SERINC1: variants seen among roughly 807,000 people sequenced by gnomAD.
SERINC1 encodes serine incorporator 1, also known as tumor differentially expressed protein 2.
Under a neutral mutation model 52.9 loss-of-function variants are expected in SERINC1, and 38 were observed. The ratio of observed to expected loss-of-function variants is 0.72; its 90% CI spans 0.55 to 0.94. The LOEUF is 0.94. SERINC1 is among the 40% of genes least tolerant of loss of function. The probability of loss-of-function intolerance (pLI) is 0.00; values close to 1 mark genes in which losing one functional copy is unlikely to be tolerated. For synonymous variants in SERINC1, 198 were observed against 183.1 expected, an observed-to-expected ratio of 1.08 and a Z score of -0.66; for missense variants, 471 against 533.9, an observed-to-expected ratio of 0.88 and a Z score of 1.16.
chr6:122,460,345 G>A (rs1330656804), intron 1 of SERINC1, among the ~76,000 whole-genome samples: 1 of 152,168 alleles, frequency 6.6e-6, no homozygotes, highest in African/African-American at 2.4e-5. Flanking sequence ...AAAGTGCTGG[G>A]ATTACAGGTG....
In SERINC1 at chr6:122,458,798, A is replaced by G. The variant is rs905065330; in HGVS notation, c.40-117T>C. 4 of 727,228 alleles carry G rather than the reference A, an allele frequency of 5.5e-6. No individual in the cohort carries two copies. The African/African-American group carries it at 7.2e-5, about 13-fold the overall frequency. The allele number at this position is 727,228 out of a possible 1,614,324, so 45.0% of individuals were successfully genotyped here. ...TAAAAAAGAAAAAAGACTAAAAGTA[A>G]TTACATCAAGGGACATACGGTATTT... On this transcript the variant is annotated intron_variant, in intron 1 of 9. Transcript: ENST00000339697.
At chr6:122,465,973 C>T (rs141419426) in intron 1 of SERINC1, among the ~76,000 whole-genome samples, 21 of 152,210 alleles carry the variant, frequency 1.4e-4, no homozygotes, top group Admixed American at 6.5e-4. Flanking sequence ...CGGTGGCTCA[C>T]ACCTGTAATC....
chr6:122,447,359 A>T (rs1174444531), intron 7 of SERINC1, 94 bp from the exon 8 acceptor site: 1 of 881,014 alleles, frequency 1.1e-6, no homozygotes, highest in Non-Finnish European at 1.7e-6. Flanking sequence ...ATACCCCTGC[A>T]AATTGAGAAA....
intron 7 of SERINC1, among the ~76,000 whole-genome samples, chr6:122,447,732 A>G (rs1774831878): frequency 6.6e-6 from 1 of 152,184 alleles, no homozygotes; most frequent in Non-Finnish European, 1.5e-5. Flanking sequence ...TTACACAAAA[A>G]CCAGTTATAA....
At chr6:122,457,255 T>C (rs143092479) in intron 2 of SERINC1, among the ~76,000 whole-genome samples, 1 of 152,316 alleles carries the variant, frequency 6.6e-6, no homozygotes, top group Non-Finnish European at 1.5e-5. Flanking sequence ...CCCAGTTTTC[T>C]AGGATCAGAA....
chr6:122,461,177 C>T (rs1447287385), intron 1 of SERINC1, among the ~76,000 whole-genome samples: 1 of 151,816 alleles, frequency 6.6e-6, no homozygotes, highest in Admixed American at 6.6e-5. Flanking sequence ...TTTATGAAAA[C>T]GATAAACTCA....
In SERINC1 at chr6:122,456,038, AC is replaced by A. The variant is rs571611822; in HGVS notation, c.371+442del. ...GATATTAAAACAGTCAAATAAGGGTACCAGAAGTAGTGCTCTATATGAAGGA... is the reference window on the plus strand; with the variant it reads ...GATATTAAAACAGTCAAATAAGGGTACAGAAGTAGTGCTCTATATGAAGGA... On this transcript the variant is annotated intron_variant, in intron 3 of 9. Transcript: ENST00000339697. 4.6e-3 allele frequency among the ~76,000 whole-genome samples: 707 copies of A among 152,280 alleles called. 6 individuals carry two copies. The highest frequency in any genetic ancestry group is 7.7e-3 in the Non-Finnish European group (523 of 68,030).
chr6:122,454,248 A>G lies in SERINC1; in HGVS notation c.372-18T>C, dbSNP rs751791561. On this transcript the variant is annotated intron_variant, in intron 3 of 9. Transcript: ENST00000339697. ...ACCAAAATCTAAAACAAAAAGAAAT[A>G]TAATTTTTTATTAATAGACATTCAT... 1.6e-5 allele frequency: 21 copies of G among 1,305,224 alleles called. No individual in the cohort carries two copies. Among genetic ancestry groups the G allele is most frequent in the Middle Eastern group, 4.3e-4 (2 of 4,606 alleles). The allele number at this position is 1,305,224 out of a possible 1,614,324, so 80.9% of individuals were successfully genotyped here. A position where few individuals can be genotyped will look rare whatever the true frequency, so the allele number is the denominator to read the frequency against.
chr6:122,452,670 T>C (rs1009009352), intron 5 of SERINC1, among the ~76,000 whole-genome samples: 3 of 152,220 alleles, frequency 2.0e-5, no homozygotes, highest in African/African-American at 7.2e-5. Flanking sequence ...TTTGCCTCGC[T>C]GACAGGGGAT....
chr6:122,447,975 G>A (rs908708761), intron 7 of SERINC1, among the ~76,000 whole-genome samples: 5 of 151,926 alleles, frequency 3.3e-5, no homozygotes, highest in Non-Finnish European at 7.4e-5. Flanking sequence ...TCAGCTGGGC[G>A]TGGTGGCATG....
At chr6:122,466,626 C>A (rs1325114891) in intron 1 of SERINC1, among the ~76,000 whole-genome samples, 2 of 152,018 alleles carry the variant, frequency 1.3e-5, no homozygotes, top group African/African-American at 4.8e-5. Flanking sequence ...GAGCACACTG[C>A]CCCTATAGCA....
chr6:122,459,061 G>A (rs1213553734), intron 1 of SERINC1, among the ~76,000 whole-genome samples: 2 of 152,094 alleles, frequency 1.3e-5, no homozygotes, highest in African/African-American at 4.8e-5. Flanking sequence ...ATACTAGACT[G>A]ATGAATACAA....
intron 5 of SERINC1, among the ~76,000 whole-genome samples, chr6:122,452,668 G>A (rs1028278111): frequency 2.6e-5 from 4 of 151,974 alleles, no homozygotes; most frequent in East Asian, 1.9e-4. Context: ...GATTTGCCTC[G>A]CTGACAGGGG....
At chr6:122,451,776 A>AAAAAATATATAT in intron 6 of SERINC1, 22 bp from the exon 7 acceptor site, 122 of 112,974 alleles carry the variant, frequency 1.1e-3, no homozygotes, top group African/African-American at 4.6e-3. Context: ...AAAAAAAAAA[A>AAAAAATATATAT]ATATATATAT....
In SERINC1 at chr6:122,445,039, C is replaced by T. The variant is rs199754174; in HGVS notation, c.*5G>A. Reference sequence around the variant, plus strand: ...AAAGTGGGACTTTCATGCTAGAAGTCTCACTCAGTCAAAATCACGATTTGT... The same window carrying T: ...AAAGTGGGACTTTCATGCTAGAAGTTTCACTCAGTCAAAATCACGATTTGT... On this transcript the variant is annotated 3_prime_UTR_variant, in exon 10 of 10. Coordinates refer to ENST00000339697, the MANE Select transcript of SERINC1 (RefSeq NM_020755.4). 1.8e-5 allele frequency: 29 copies of T among 1,611,368 alleles called. No individual in the cohort carries two copies. In the African/African-American group the frequency reaches 3.2e-4, roughly 18 times the overall value.
chr6:122,471,778 A>T lies in SERINC1; in HGVS notation c.-41T>A. 1.9e-6 allele frequency: 3 copies of T among 1,613,280 alleles called. No homozygotes were observed. The highest frequency in any genetic ancestry group is 2.5e-6 in the Non-Finnish European group (3 of 1,179,722). ...AGAGCAGCGGATACAGACAAGATGGAGACAGCTTCTTTCTCGCCTTTCCGA... is the reference window on the plus strand; with the variant it reads ...AGAGCAGCGGATACAGACAAGATGGTGACAGCTTCTTTCTCGCCTTTCCGA... On this transcript the variant is annotated 5_prime_UTR_variant, in exon 1 of 10. Transcript: ENST00000339697.
chr6:122,465,500 C>A (rs187757523), intron 1 of SERINC1, among the ~76,000 whole-genome samples: 11 of 152,224 alleles, frequency 7.2e-5, no homozygotes. Context: ...TCATTCTTTC[C>A]GTCACTTGCC....
chr6:122,458,716 G>A lies in SERINC1; in HGVS notation c.40-35C>T, dbSNP rs757238559. The A allele has an allele frequency of 4.2e-6, 6 of 1,418,814 alleles. No homozygotes were observed. The African/African-American group carries it at 4.3e-5, about 10-fold the overall frequency. The allele number at this position is 1,418,814 out of a possible 1,614,324, so 87.9% of individuals were successfully genotyped here. A position where few individuals can be genotyped will look rare whatever the true frequency, so the allele number is the denominator to read the frequency against. The stretch of plus-strand genomic sequence containing the variant: ...AGAATATTATTGAAAATATTATTAA[G>A]AATCAGTAAATCACTATATCTTAAA... On this transcript the variant is annotated intron_variant, in intron 1 of 9. Transcript: ENST00000339697.
At chr6:122,464,548 T>C (rs987367538) in intron 1 of SERINC1, among the ~76,000 whole-genome samples, 15 of 152,298 alleles carry the variant, frequency 9.8e-5, no homozygotes, top group East Asian at 5.8e-4. Context: ...CAGGCTGATA[T>C]AAGACAGAAT....
Sources: gnomAD v4.1 joint callset for allele counts (sites outside exome capture counted in the v4.1 genomes callset) on GRCh38, gnomAD v4.1.1 for gene constraint, MANE v1.5 for transcripts, NCBI Gene and HGNC (gene_info 2026-07-23, HGNC 2026-07-21) for gene names.